Variants in NNT observed in about 807,000 individuals in gnomAD.
NNT encodes NAD(P) transhydrogenase, mitochondrial.
In NNT, 50 loss-of-function variants were observed where a neutral mutation model predicts 104.8. That is an observed-to-expected ratio of 0.48 (90% confidence interval 0.38 to 0.60). The LOEUF (loss-of-function observed/expected upper bound fraction) is 0.60, where lower values mean the gene tolerates loss of function less well. NNT is among the 20% of genes least tolerant of loss of function. The pLI is 0.00. For synonymous variants in NNT, 461 were observed against 490.4 expected (o/e 0.94, Z 0.79); for missense variants, 1,131 against 1,330.7 (o/e 0.85, Z 2.33).
chr5:43,704,076 G>A (rs1742993139), intron 21 of NNT, among the ~76,000 whole-genome samples, 179 bp from the exon 22 acceptor site: 2 of 152,144 alleles, frequency 1.3e-5, no homozygotes, highest in Admixed American at 1.3e-4. Flanking sequence ...AAGTATTAAA[G>A]TTAATACAAT....
chr5:43,612,510 T>C (rs1052960720), intron 2 of NNT, among the ~76,000 whole-genome samples: 1 of 152,204 alleles, frequency 6.6e-6, no homozygotes, highest in African/African-American at 2.4e-5. Context: ...TTCTTCAAAA[T>C]AGCTAATTAC....
chr5:43,701,972 AGTT>A (rs1383593817), intron 20 of NNT, among the ~76,000 whole-genome samples: 2 of 151,492 alleles, frequency 1.3e-5, no homozygotes, highest in Non-Finnish European at 2.9e-5. Flanking sequence ...TTGCTTGTTG[AGTT>A]GTTTAAGTTC....
chr5:43,666,835 G>A, intron 17 of NNT: 2 of 1,402,806 alleles, frequency 1.4e-6, no homozygotes, highest in Admixed American at 3.4e-5. Flanking sequence ...TGGAGCTGCA[G>A]CCTGGGCCTT....
intron 10 of NNT, among the ~76,000 whole-genome samples, chr5:43,646,365 A>C (rs1272692262): frequency 6.6e-6 from 1 of 152,096 alleles, no homozygotes; most frequent in East Asian, 1.9e-4. Flanking sequence ...GGCTCACCAT[A>C]GCCTCAACTT....
chr5:43,656,745 A>T lies in NNT; in HGVS notation c.2386A>T (p.Met796Leu). Residue 796 changes from methionine to leucine, a missense_variant, in exon 16 of 22, where the codon ATG (methionine) becomes TTG (leucine). Transcript: ENST00000344920. ...AASVGGIIPFMVDPSFTTGIT... is the reference protein window; with the variant it reads ...AASVGGIIPFLVDPSFTTGIT... ...TAGTGTGGGCGGGATAATCCCATTC[A>T]TGGTGGACCCAAGCTTTACTACTGG... 2 of 1,614,184 alleles carry T rather than the reference A, an allele frequency of 1.2e-6. No individual in the cohort carries two copies. The highest frequency in any genetic ancestry group is 1.7e-6 in the Non-Finnish European group (2 of 1,180,018).
intron 1 of NNT, among the ~76,000 whole-genome samples, chr5:43,605,522 C>CAAAAAAAAA (rs70997416): frequency 5.3e-5 from 2 of 37,762 alleles, no homozygotes; most frequent in African/African-American, 2.0e-4. Context: ...GACTCCGTCT[C>CAAAAAAAAA]AAAAAAAAAA....
rs547961335 is a variant in NNT at position 43,649,177 on chromosome 5, C to A, written c.1475C>A (p.Ala492Glu). The A allele has an allele frequency of 1.2e-6, 2 of 1,614,162 alleles. No individual in the cohort carries two copies. Among genetic ancestry groups the A allele is most frequent in the Non-Finnish European group, 1.7e-6 (2 of 1,180,008 alleles). ...GLTGILGLGI[A>E]APNLAFSQMV... ...ACAGGGATACTGGGTTTGGGCATTG[C>A]GGCTCCCAATCTAGCCTTTTCTCAG... The change falls in exon 11 of 22, where the codon GCG becomes GAG. Residue 492 changes from alanine (A) to glutamate (E), a missense_variant. By Grantham distance (107) the Ala-to-Glu change is moderately radical. Transcript: ENST00000344920.
At chr5:43,649,779 G>A (rs528664449) in intron 11 of NNT, among the ~76,000 whole-genome samples, 1 of 152,262 alleles carries the variant, frequency 6.6e-6, no homozygotes, top group African/African-American at 2.4e-5. Flanking sequence ...CAGTGAGGTG[G>A]CATCAGGCAT....
At chr5:43,691,677 A>G (rs1317438447) in intron 19 of NNT, among the ~76,000 whole-genome samples, 1 of 152,234 alleles carries the variant, frequency 6.6e-6, no homozygotes, top group Admixed American at 6.5e-5. Context: ...GCAATGTGAT[A>G]CTTTAGATAT....
intron 17 of NNT, chr5:43,667,232 T>C: frequency 9.9e-7 from 1 of 1,006,768 alleles, no homozygotes. Flanking sequence ...GACTTGGCCA[T>C]GTCTGCACCT....
chr5:43,706,852 G>C lies in NNT; in HGVS notation c.*2448G>C, dbSNP rs1284307072. 2 of 152,184 alleles carry C rather than the reference G, an allele frequency of 1.3e-5. No homozygotes were observed. Among genetic ancestry groups the C allele is most frequent in the African/African-American group, 4.8e-5 (2 of 41,424 alleles). The allele number at this position is 152,184 out of a possible 1,614,324, so 9.4% of individuals were successfully genotyped here. On this transcript the variant is annotated 3_prime_UTR_variant, in exon 22 of 22. Coordinates refer to ENST00000344920, the MANE Select transcript of NNT (RefSeq NM_182977.3). Reference sequence around the variant, plus strand: ...GGATAAAGCTGGAAACCATCATTCTGAGCAAACTATTGCAAGGACAGAAAA... The same window carrying C: ...GGATAAAGCTGGAAACCATCATTCTCAGCAAACTATTGCAAGGACAGAAAA...
intron 7 of NNT, among the ~76,000 whole-genome samples, chr5:43,628,826 A>G (rs1472166425): frequency 6.6e-6 from 1 of 152,068 alleles, no homozygotes; most frequent in Non-Finnish European, 1.5e-5. Context: ...ACCTCAGGTG[A>G]TCCGCCCGCC....
At position 43,629,479 on chromosome 5, in the gene NNT, C is replaced by T. The variant is rs1750563207; in HGVS notation, c.964+1092C>T. ...TTTCTATATAATGACTTCTTTTCCT[C>T]TGGGTAGATACCAAGTAGTGAGACT... On this transcript the variant is annotated intron_variant, in intron 7 of 21. Coordinates refer to ENST00000344920, the MANE Select transcript of NNT (RefSeq NM_182977.3). 3.3e-5 allele frequency among the ~76,000 whole-genome samples: 5 copies of T among 152,278 alleles called. No homozygotes were observed. In the South Asian group the frequency reaches 1.0e-3, roughly 32 times the overall value.
In NNT at chr5:43,610,288, C is replaced by T. The variant is rs184408387; in HGVS notation, c.151+942C>T. ...AGCTTCCACAGAATGGAAGGGGACC[C>T]GAGCAGGTTGTCCCCCAAGTCAACT... On this transcript the variant is annotated intron_variant, in intron 2 of 21. Coordinates refer to ENST00000344920, the MANE Select transcript of NNT (RefSeq NM_182977.3). 2.4e-3 allele frequency among the ~76,000 whole-genome samples: 370 copies of T among 151,086 alleles called. 2 individuals carry two copies. Among genetic ancestry groups the T allele is most frequent in the African/African-American group, 8.3e-3 (339 of 41,046 alleles).
chr5:43,613,847 CT>C (rs1292403955), intron 3 of NNT, among the ~76,000 whole-genome samples: 1 of 152,078 alleles, frequency 6.6e-6, no homozygotes, highest in African/African-American at 2.4e-5. Context: ...GGAGATACAG[CT>C]TTTTTCTACA....
At chr5:43,650,651 C>G (rs1169856443) in intron 12 of NNT, 64 bp downstream of exon 12, 50 of 1,253,584 alleles carry the variant, frequency 4.0e-5, no homozygotes, top group Middle Eastern at 1.9e-4. Context: ...AAATATAAAT[C>G]CATATAAAAT....
At position 43,609,230 on chromosome 5, in the gene NNT, G is replaced by C. The variant is rs1749376802; in HGVS notation, c.35G>C (p.Cys12Ser). ...ANLLKTVVTG[C>S]SCPLLSNLGS... ...CTATTGAAAACAGTGGTGACTGGCT[G>C]CTCGTGTCCTCTACTTAGCAATTTG... Residue 12 changes from cysteine to serine, a missense_variant, in exon 2 of 22, where the codon TGC becomes TCC. Cys to Ser is a moderately radical substitution (Grantham distance 112). Transcript: ENST00000344920. 4.3e-6 allele frequency: 7 copies of C among 1,613,986 alleles called. No homozygotes were observed. Among genetic ancestry groups the C allele is most frequent in the Non-Finnish European group, 5.9e-6 (7 of 1,179,904 alleles).
intron 19 of NNT, among the ~76,000 whole-genome samples, chr5:43,688,496 T>A (rs1428860075): frequency 6.6e-6 from 1 of 152,118 alleles, no homozygotes; most frequent in Non-Finnish European, 1.5e-5. Context: ...TTTCTGAGAT[T>A]TTGGTGCACC....
intron 19 of NNT, among the ~76,000 whole-genome samples, chr5:43,683,021 A>T (rs1224527210): frequency 2.6e-5 from 4 of 152,224 alleles, no homozygotes; most frequent in African/African-American, 9.6e-5. Context: ...AGGTTATTGT[A>T]TCAGAGTTTC....
Sources: gnomAD v4.1 joint callset for allele counts (sites outside exome capture counted in the v4.1 genomes callset) on GRCh38, gnomAD v4.1.1 for gene constraint, MANE v1.5 for transcripts, NCBI Gene and HGNC (gene_info 2026-07-23, HGNC 2026-07-21) for gene names.